INPP4B: variants seen among roughly 807,000 people sequenced by gnomAD.
The protein encoded by INPP4B is inositol polyphosphate-4-phosphatase type II B.
Under a neutral mutation model 122.5 loss-of-function variants are expected in INPP4B, and 55 were observed. The observed-to-expected ratio is 0.45, with a 90% CI of 0.36 to 0.56. The LOEUF (loss-of-function observed/expected upper bound fraction) is 0.56, where lower values mean the gene tolerates loss of function less well. Among genes scored for constraint, INPP4B ranks in the 20% least tolerant of loss-of-function variants. INPP4B has a pLI of 0.00. For missense variants in INPP4B, 1,000 were observed against 1,097.7 expected (o/e 0.91, Z 1.26); for synonymous variants, 403 against 388.7 (o/e 1.04, Z -0.43).
At chr4:142,134,165 T>A (rs889699773) in intron 18 of INPP4B, among the ~76,000 whole-genome samples, 3 of 152,276 alleles carry the variant, frequency 2.0e-5, no homozygotes, top group Non-Finnish European at 4.4e-5. Context: ...CTGAAAAAAA[T>A]TAATATCACC....
intron 2 of INPP4B, among the ~76,000 whole-genome samples, chr4:142,710,217 C>T (rs1488652438): frequency 6.6e-6 from 1 of 152,176 alleles, no homozygotes; most frequent in Non-Finnish European, 1.5e-5. Context: ...CAGCCAATGC[C>T]TTTAACTGTA....
intron 2 of INPP4B, among the ~76,000 whole-genome samples, chr4:142,540,005 T>C (rs1828748645): frequency 6.6e-6 from 1 of 152,104 alleles, no homozygotes; most frequent in African/African-American, 2.4e-5. Context: ...AGTTCCTCTT[T>C]TTCTGTCCTT....
intron 7 of INPP4B, among the ~76,000 whole-genome samples, chr4:142,316,558 T>C (rs1767767810): frequency 6.6e-6 from 1 of 152,034 alleles, no homozygotes; most frequent in African/African-American, 2.4e-5. Flanking sequence ...ATGCACCATA[T>C]AATGCACATA....
chr4:142,386,476 C>G (rs191386388), intron 7 of INPP4B, among the ~76,000 whole-genome samples: 13 of 152,294 alleles, frequency 8.5e-5, no homozygotes, highest in African/African-American at 2.9e-4. Context: ...TGAACTGCAA[C>G]CTAACTTAAT....
chr4:142,661,658 T>C (rs1326584085), intron 2 of INPP4B, among the ~76,000 whole-genome samples: 1 of 152,250 alleles, frequency 6.6e-6, no homozygotes, highest in Admixed American at 6.5e-5. Context: ...CTTTCTTTCA[T>C]GCTTTGTTAG....
chr4:142,282,781 GTATAA>G (rs1751800184), intron 9 of INPP4B, among the ~76,000 whole-genome samples: 1 of 152,032 alleles, frequency 6.6e-6, no homozygotes, highest in African/African-American at 2.4e-5. Context: ...AGCCACCTGT[GTATAA>G]TTACAGGCAG....
intron 2 of INPP4B, among the ~76,000 whole-genome samples, chr4:142,576,119 T>C (rs963628880): frequency 4.6e-5 from 7 of 152,030 alleles, no homozygotes; most frequent in African/African-American, 1.4e-4. Context: ...GGCTGATTCA[T>C]TTAATTAGTA....
intron 1 of INPP4B, among the ~76,000 whole-genome samples, chr4:142,773,017 G>A (rs1347075603): frequency 6.6e-6 from 1 of 152,070 alleles, no homozygotes; most frequent in African/African-American, 2.4e-5. Flanking sequence ...CTACACTCCA[G>A]CCTGGGTGAC....
chr4:142,827,429 G>GA (rs1281621850), intron 1 of INPP4B, among the ~76,000 whole-genome samples: 2 of 152,180 alleles, frequency 1.3e-5, no homozygotes, highest in Admixed American at 1.3e-4. Context: ...GTATAAATTG[G>GA]AAAAAAGCCA....
At chr4:142,532,730 G>A (rs1827765703) in intron 2 of INPP4B, among the ~76,000 whole-genome samples, 1 of 152,034 alleles carries the variant, frequency 6.6e-6, no homozygotes, top group East Asian at 1.9e-4. Context: ...GTATAAAAAT[G>A]GAATATGACA....
At chr4:142,540,197 C>CA (rs1223107496) in intron 2 of INPP4B, among the ~76,000 whole-genome samples, 2 of 152,044 alleles carry the variant, frequency 1.3e-5, no homozygotes, top group Non-Finnish European at 2.9e-5. Flanking sequence ...CTGAATGTCA[C>CA]AGAGATTAAA....
At chr4:142,395,580 C>T (rs912193497) in intron 7 of INPP4B, among the ~76,000 whole-genome samples, 2 of 152,116 alleles carry the variant, frequency 1.3e-5, no homozygotes, top group Non-Finnish European at 2.9e-5. Flanking sequence ...AATAACAGAG[C>T]AGGATTTCTA....
chr4:142,463,256 T>C (rs554674184), intron 2 of INPP4B, among the ~76,000 whole-genome samples: 1 of 152,328 alleles, frequency 6.6e-6, no homozygotes, highest in Non-Finnish European at 1.5e-5. Context: ...TAAAATGTGA[T>C]TTATGATGAA....
intron 2 of INPP4B, among the ~76,000 whole-genome samples, chr4:142,579,925 AGATAGATAGAT>A (rs982897180): frequency 3.3e-5 from 5 of 151,372 alleles, no homozygotes; most frequent in Non-Finnish European, 5.9e-5. Flanking sequence ...ATAGATAGAT[AGATAGATAGAT>A]ATCCTATTGC....
chr4:142,405,591 G>A (rs1166266646), intron 5 of INPP4B, among the ~76,000 whole-genome samples: 1 of 152,102 alleles, frequency 6.6e-6, no homozygotes, highest in African/African-American at 2.4e-5. Flanking sequence ...TCTAATGCGT[G>A]ACTATGCACA....
At chr4:142,106,672 G>A (rs992998430) in intron 23 of INPP4B, among the ~76,000 whole-genome samples, 1 of 151,980 alleles carries the variant, frequency 6.6e-6, no homozygotes, top group Admixed American at 6.6e-5. Context: ...TTTGAGTAAG[G>A]ATGGCATATT....
chr4:142,248,825 G>T (rs1033185510), intron 11 of INPP4B, among the ~76,000 whole-genome samples: 3 of 151,882 alleles, frequency 2.0e-5, no homozygotes, highest in East Asian at 1.9e-4. Flanking sequence ...CCAATAAATT[G>T]TTCACCAAAT....
At chr4:142,517,183 A>G (rs1465146704) in intron 2 of INPP4B, among the ~76,000 whole-genome samples, 1 of 152,018 alleles carries the variant, frequency 6.6e-6, no homozygotes, top group East Asian at 1.9e-4. Flanking sequence ...TGCTCCCACA[A>G]CAAGCATATG....
At chr4:142,838,060 T>C (rs968167644) in intron 1 of INPP4B, among the ~76,000 whole-genome samples, 1 of 151,782 alleles carries the variant, frequency 6.6e-6, no homozygotes, top group African/African-American at 2.4e-5. Flanking sequence ...TATTTATTGC[T>C]GTGAACCAGA....
Sources: allele counts gnomAD v4.1 joint callset (sites outside exome capture counted in the v4.1 genomes callset), GRCh38; gene constraint gnomAD v4.1.1; transcripts MANE v1.5; gene names NCBI Gene and HGNC (gene_info 2026-07-23, HGNC 2026-07-21).